The following DUSP29 variants were observed in gnomAD, a reference collection of about 807,000 sequenced individuals.
The protein encoded by DUSP29 is dual specificity phosphatase 29.
DUSP29 carries 12 observed loss-of-function variants against 13.5 expected under a neutral mutation model. The observed-to-expected ratio is 0.89, with a 90% CI of 0.57 to 1.44. DUSP29 has a LOEUF of 1.44. Ranked by LOEUF, DUSP29 falls within the 40% of genes most tolerant of loss-of-function variation. DUSP29 has a pLI of 0.00. For missense variants in DUSP29, 308 were observed against 301.1 expected, an observed-to-expected ratio of 1.02 and a Z score of -0.17; for synonymous variants, 134 against 128.7, an observed-to-expected ratio of 1.04 and a Z score of -0.28.
Position 75,038,042 on chromosome 10 carries a change from G to A in DUSP29, c.457C>T (p.Arg153Trp), listed in dbSNP as rs148261941. 47 of 1,613,760 alleles carry A rather than the reference G, an allele frequency of 2.9e-5. No homozygotes were observed. Among genetic ancestry groups the A allele is most frequent in the Middle Eastern group, 1.7e-4 (1 of 6,056 alleles). Reference protein sequence around the residue: ...ILVHCVMGRSRSATLVLAYLM... With the variant: ...ILVHCVMGRSWSATLVLAYLM... ...TAGGCCAGGACCAGGGTGGCTGACC[G>A]GCTGCGGCCCATGACGCAGTGAACC... The change falls in exon 4 of 4, where the codon CGG becomes TGG. Residue 153 changes from arginine to tryptophan, a missense_variant. Coordinates refer to ENST00000338487, the MANE Select transcript of DUSP29 (RefSeq NM_001003892.3).
chr10:75,064,196 C>T (rs577714665), intron 1 of DUSP29, among the ~76,000 whole-genome samples: 2 of 150,462 alleles, frequency 1.3e-5, no homozygotes, highest in South Asian at 2.2e-4. Flanking sequence ...CACCACCACA[C>T]CTGGCTAATT....
intron 1 of DUSP29, among the ~76,000 whole-genome samples, chr10:75,070,665 G>A (rs536977940): frequency 4.1e-4 from 62 of 152,148 alleles, no homozygotes; most frequent in African/African-American, 1.2e-3. Context: ...CAGTTTGGCC[G>A]GGGCGGAGGT....
At chr10:75,047,957 G>A (rs571641093) in intron 2 of DUSP29, among the ~76,000 whole-genome samples, 3 of 152,128 alleles carry the variant, frequency 2.0e-5, no homozygotes, top group Non-Finnish European at 4.4e-5. Context: ...CCTTTGACGT[G>A]ATATATTGTA....
At chr10:75,047,648 C>T (rs1193991659) in intron 2 of DUSP29, among the ~76,000 whole-genome samples, 1 of 152,172 alleles carries the variant, frequency 6.6e-6, no homozygotes, top group African/African-American at 2.4e-5. Context: ...AATGTACTTC[C>T]AGAATCTAGA....
intron 2 of DUSP29, among the ~76,000 whole-genome samples, chr10:75,052,331 G>A (rs528626813): frequency 8.5e-5 from 12 of 141,090 alleles, no homozygotes; most frequent in Admixed American, 5.8e-4. Context: ...TTCTTGAGAC[G>A]GAGTTTCGCT....
At chr10:75,060,016 CG>C (rs1430714519) in intron 1 of DUSP29, among the ~76,000 whole-genome samples, 1 of 151,774 alleles carries the variant, frequency 6.6e-6, no homozygotes, top group Non-Finnish European at 1.5e-5. Context: ...AAAAATTAGC[CG>C]GGTGTAGTGG....
intron 1 of DUSP29, among the ~76,000 whole-genome samples, chr10:75,064,395 T>C (rs1027843731): frequency 3.3e-5 from 5 of 152,012 alleles, no homozygotes; most frequent in Admixed American, 1.3e-4. Flanking sequence ...GTAGTCCCAG[T>C]GACTTGGGAG....
At chr10:75,043,743 G>A (rs1846637330) in intron 3 of DUSP29, 54 bp downstream of exon 3, 4 of 1,486,070 alleles carry the variant, frequency 2.7e-6, no homozygotes, top group Non-Finnish European at 3.6e-6. Context: ...CGGGCGGGGC[G>A]AGTCGGGGCG....
chr10:75,049,169 G>A (rs952023598), intron 2 of DUSP29, among the ~76,000 whole-genome samples: 8 of 150,984 alleles, frequency 5.3e-5, no homozygotes, highest in African/African-American at 9.9e-5. Flanking sequence ...AGTAATGAAC[G>A]AGTCATATAT....
intron 3 of DUSP29, among the ~76,000 whole-genome samples, chr10:75,043,233 G>C (rs547702336): frequency 9.2e-5 from 14 of 152,358 alleles, no homozygotes; most frequent in African/African-American, 3.4e-4. Context: ...AACTTGGTTG[G>C]TGGGCAGGAG....
chr10:75,061,677 C>G (rs1847091150), intron 1 of DUSP29, among the ~76,000 whole-genome samples: 1 of 152,144 alleles, frequency 6.6e-6, no homozygotes, highest in Non-Finnish European at 1.5e-5. Context: ...CCCGCTGTCC[C>G]AGTGGGGTGG....
rs948482022 is a variant in DUSP29 at position 75,069,813 on chromosome 10, A to G, written c.-35+3756T>C. Among the ~76,000 whole-genome samples, 6 of 152,090 alleles carry G rather than the reference A, an allele frequency of 3.9e-5. No homozygotes were observed. In the South Asian group the frequency reaches 1.2e-3, roughly 32 times the overall value. On this transcript the variant is annotated intron_variant, in intron 1 of 3. Coordinates refer to ENST00000338487, the MANE Select transcript of DUSP29 (RefSeq NM_001003892.3). ...TCCCAGCATTGTGGGAGGCCAAGGC[A>G]GGCGGATCCCTTGAGGTGAGGAGTT...
intron 2 of DUSP29, among the ~76,000 whole-genome samples, chr10:75,048,559 G>A (rs1195915809): frequency 2.0e-5 from 3 of 151,822 alleles, no homozygotes; most frequent in South Asian, 2.1e-4. Context: ...GCCACCATGC[G>A]TGGCTAATTT....
chr10:75,062,898 C>T (rs1316542773), intron 1 of DUSP29, among the ~76,000 whole-genome samples: 1 of 152,134 alleles, frequency 6.6e-6, no homozygotes, highest in African/African-American at 2.4e-5. Context: ...GTTCCTGTTA[C>T]AGCTTCATAT....
At chr10:75,048,155 T>C (rs1441476916) in intron 2 of DUSP29, among the ~76,000 whole-genome samples, 4 of 152,202 alleles carry the variant, frequency 2.6e-5, no homozygotes, top group African/African-American at 7.2e-5. Flanking sequence ...TTAAAATACA[T>C]TTGATACTTG....
At chr10:75,070,195 A>G (rs1417101265) in intron 1 of DUSP29, among the ~76,000 whole-genome samples, 1 of 152,182 alleles carries the variant, frequency 6.6e-6, no homozygotes, top group Non-Finnish European at 1.5e-5. Context: ...AGATGAAAAA[A>G]TGAGGGTCAG....
intron 1 of DUSP29, among the ~76,000 whole-genome samples, chr10:75,061,874 G>T (rs1312385388): frequency 6.6e-6 from 1 of 152,212 alleles, no homozygotes; most frequent in African/African-American, 2.4e-5. Context: ...GTGACTGAGG[G>T]GTGAAGGAAT....
At chr10:75,065,872 TATC>T in intron 1 of DUSP29, among the ~76,000 whole-genome samples, 1 of 151,704 alleles carries the variant, frequency 6.6e-6, no homozygotes, top group African/African-American at 2.4e-5. Context: ...CTATTATTAT[TATC>T]ATTTATTTTA....
intron 2 of DUSP29, among the ~76,000 whole-genome samples, chr10:75,049,683 A>C (rs1846786236): frequency 6.6e-6 from 1 of 152,238 alleles, no homozygotes. Flanking sequence ...GAAGCAGGTT[A>C]ATTTCATTCG....
Sources: allele counts gnomAD v4.1 joint callset (sites outside exome capture counted in the v4.1 genomes callset), GRCh38; gene constraint gnomAD v4.1.1; transcripts MANE v1.5; gene names NCBI Gene and HGNC (gene_info 2026-07-23, HGNC 2026-07-21).